PDPR: variants seen among roughly 807,000 people sequenced by gnomAD.
PDPR encodes the protein pyruvate dehydrogenase phosphatase regulatory subunit, mitochondrial.
A neutral mutation model predicts 102.2 loss-of-function variants in PDPR; 50 were observed. The observed-to-expected ratio is 0.49, with a 90% CI of 0.39 to 0.62. PDPR has a LOEUF of 0.62. PDPR is among the 20% of genes least tolerant of loss of function. The pLI is 0.00. For missense variants in PDPR, 625 were observed against 1,098.2 expected (o/e 0.57, Z 6.09); for synonymous variants, 259 against 406.0 (o/e 0.64, Z 4.35).
intron 16 of PDPR, 82 bp from the exon 17 acceptor site, chr16:70,148,382 A>G (rs1597370657): frequency 4.2e-6 from 4 of 955,284 alleles, no homozygotes; most frequent in Non-Finnish European, 5.0e-6. Context: ...AGGGTGCAGC[A>G]CTAATGAAAG....
chr16:70,162,848 G>T (rs729087), downstream of PDPR, among the ~76,000 whole-genome samples: 15,959 of 147,650 alleles, frequency 0.11, 1 homozygote, highest in African/African-American at 0.12. Context: ...GAAAGCAAGG[G>T]GGGTCGTGTT....
At chr16:70,146,385 G>A (rs1352479034) in intron 16 of PDPR, among the ~76,000 whole-genome samples, 157 bp downstream of exon 16, 3 of 151,212 alleles carry the variant, frequency 2.0e-5, no homozygotes, top group Non-Finnish European at 3.0e-5. Flanking sequence ...TTGGGAGGCC[G>A]AGGCAGGTGG....
intron 2 of PDPR, among the ~76,000 whole-genome samples, chr16:70,115,401 C>T (rs1962536781): frequency 6.6e-6 from 1 of 152,202 alleles, no homozygotes; most frequent in South Asian, 2.1e-4. Flanking sequence ...GGATTACAGG[C>T]GTGAGCCACT....
In PDPR at chr16:70,120,651, G is replaced by A. The variant is rs745656669; in HGVS notation, c.159G>A (p.Thr53=). 18 of 1,613,890 alleles carry A rather than the reference G, an allele frequency of 1.1e-5. No homozygotes were observed. The highest frequency in any genetic ancestry group is 3.3e-5 in the South Asian group (3 of 91,084). The part of the protein sequence containing the change: ...AQVVICGGGI[T]GTSVAYHLSK... ...TGGTCATCTGTGGAGGTGGAATCAC[G>A]GGCACTTCTGTGGCCTATCACCTCT... Residue 53 remains threonine, a synonymous_variant, in exon 3 of 19, where the codon ACG becomes ACA. Transcript: ENST00000288050.
intron 3 of PDPR, among the ~76,000 whole-genome samples, chr16:70,125,604 C>T (rs1963881579): frequency 6.9e-6 from 1 of 145,448 alleles, no homozygotes. Context: ...AAAGAGTATA[C>T]AGGAAAAAGA....
At position 70,160,098 on chromosome 16, in the gene PDPR, A is replaced by T. The variant is rs1323344334; in HGVS notation, c.*3219A>T. 6.5e-6 allele frequency: 1 copy of T among 152,716 alleles called. No individual in the cohort carries two copies. Among genetic ancestry groups the T allele is most frequent in the Non-Finnish European group, 1.5e-5 (1 of 68,380 alleles). The allele number at this position is 152,716 out of a possible 1,614,324, so 9.5% of individuals were successfully genotyped here. On this transcript the variant is annotated 3_prime_UTR_variant, in exon 19 of 19. Coordinates refer to ENST00000288050, the MANE Select transcript of PDPR (RefSeq NM_017990.5). ...ATCTGAACCTAGGAACACAAAGTAT[A>T]TTGGCCTCAAACGGAGACCCAGGGT...
intron 2 of PDPR, among the ~76,000 whole-genome samples, chr16:70,115,157 T>C (rs1274168712): frequency 6.6e-6 from 1 of 152,094 alleles, no homozygotes; most frequent in Admixed American, 6.5e-5. Context: ...AGAGTTTCAC[T>C]CTGTCGCCCA....
At chr16:70,137,389 A>G (rs1965262042) in intron 10 of PDPR, among the ~76,000 whole-genome samples, 1 of 152,224 alleles carries the variant, frequency 6.6e-6, no homozygotes, top group African/African-American at 2.4e-5. Context: ...AAAATAAGAC[A>G]CTAATGAACA....
At chr16:70,132,382 CTTGT>C (rs1164315380) in intron 9 of PDPR, 82 bp downstream of exon 9, 2 of 1,394,386 alleles carry the variant, frequency 1.4e-6, no homozygotes, top group African/African-American at 2.9e-5. Flanking sequence ...AGAATAGTTC[CTTGT>C]TTAATGTTTA....
downstream of PDPR, among the ~76,000 whole-genome samples, chr16:70,163,337 C>T (rs1262844260): frequency 1.3e-5 from 2 of 152,070 alleles, no homozygotes; most frequent in East Asian, 3.9e-4. Context: ...ATCTCTTCAT[C>T]TTGTCTTCTA....
rs766263682 is a variant in PDPR at position 70,153,479 on chromosome 16, G to T, written c.2141G>T (p.Arg714Leu). 13 of 1,613,252 alleles carry T rather than the reference G, an allele frequency of 8.1e-6. No individual in the cohort carries two copies. The highest frequency in any genetic ancestry group is 2.7e-5 in the African/African-American group (2 of 74,944). ...NAGYYALRSL[R>L]IEKFFAFWGQ... ...GGGTATTACGCTCTTCGCAGTCTCC[G>T]AATTGAGAAGTTTTTTGCCTTCTGG... Residue 714 changes from arginine (R) to leucine (L), a missense_variant, in exon 18 of 19, where the codon CGA becomes CTA. This residue lies in a region of PDPR where 303 missense variants were observed against 258.9 expected (regional missense o/e 1.17). Coordinates refer to ENST00000288050, the MANE Select transcript of PDPR (RefSeq NM_017990.5).
chr16:70,159,430 G>C lies in PDPR; in HGVS notation c.*2551G>C, dbSNP rs1967564543. The C allele has an allele frequency of 6.5e-6, 1 of 152,688 alleles. No homozygotes were observed. Among genetic ancestry groups the C allele is most frequent in the African/African-American group, 2.4e-5 (1 of 41,598 alleles). The allele number at this position is 152,688 out of a possible 1,614,324, so 9.5% of individuals were successfully genotyped here. A position where few individuals can be genotyped will look rare whatever the true frequency, so the allele number is the denominator to read the frequency against. On this transcript the variant is annotated 3_prime_UTR_variant, in exon 19 of 19. Coordinates refer to ENST00000288050, the MANE Select transcript of PDPR (RefSeq NM_017990.5). ...AGGGTCATACTCCTAAGACTGATGG[G>C]GTGTTGATCTTCTAGGACATCACTT...
At chr16:70,124,916 C>T (rs929773978) in intron 3 of PDPR, among the ~76,000 whole-genome samples, 3 of 152,414 alleles carry the variant, frequency 2.0e-5, no homozygotes, top group Admixed American at 2.0e-4. Context: ...TAGAACCCCC[C>T]ACCTGCTTTC....
At position 70,120,567 on chromosome 16, in the gene PDPR, A is replaced by C; in HGVS notation, c.75A>C (p.Ala25=). 6.2e-7 allele frequency: 1 copy of C among 1,614,030 alleles called. No homozygotes were observed. The highest frequency in any genetic ancestry group is 8.5e-7 in the Non-Finnish European group (1 of 1,179,880). ...CAGGATGGCAGAACTGGTCCTCTGC[A>C]AGAAACAGCACGTCAGCTGCCGAGG... is the stretch of plus-strand genomic sequence containing the variant. ...ASPGWQNWSS[A]RNSTSAAEAR... The change falls in exon 3 of 19, where the codon GCA becomes GCC. Residue 25 remains alanine (A), a synonymous_variant. Transcript: ENST00000288050.
chr16:70,150,015 C>A (rs1370431757), intron 17 of PDPR, among the ~76,000 whole-genome samples: 1 of 152,014 alleles, frequency 6.6e-6, no homozygotes, highest in African/African-American at 2.4e-5. Context: ...TGGTCTCGAT[C>A]TCCTACCTCG....
In PDPR at chr16:70,160,781, C is replaced by G. The variant is rs1323239387; in HGVS notation, c.*3902C>G. Reference sequence around the variant, plus strand: ...AGTTAGCCTCCTCCCTTGCCACCGTCTTGGTGGCAGTAGCGATGCAAGAAT... The same window carrying G: ...AGTTAGCCTCCTCCCTTGCCACCGTGTTGGTGGCAGTAGCGATGCAAGAAT... On this transcript the variant is annotated 3_prime_UTR_variant, in exon 19 of 19. Transcript: ENST00000288050. The G allele has an allele frequency of 6.6e-6, 1 of 152,558 alleles. No individual in the cohort carries two copies. The highest frequency in any genetic ancestry group is 1.5e-5 in the Non-Finnish European group (1 of 68,204). The allele number at this position is 152,558 out of a possible 1,614,324, so 9.5% of individuals were successfully genotyped here. A position where few individuals can be genotyped will look rare whatever the true frequency, so the allele number is the denominator to read the frequency against.
chr16:70,152,557 G>C (rs1439147614), intron 17 of PDPR, among the ~76,000 whole-genome samples: 1 of 152,260 alleles, frequency 6.6e-6, no homozygotes, highest in African/African-American at 2.4e-5. Context: ...GATCATAGTG[G>C]TCTGTTTGGT....
rs1277988011 is a variant in PDPR, at chr16:70,161,384, CCA to C, written c.*4511_*4512del. The C allele has an allele frequency of 6.5e-6, 1 of 153,808 alleles. No individual in the cohort carries two copies. Among genetic ancestry groups the C allele is most frequent in the African/African-American group, 2.4e-5 (1 of 41,494 alleles). The allele number at this position is 153,808 out of a possible 1,614,324, so 9.5% of individuals were successfully genotyped here. ...TAATTTTCCTGCTGCACCCCATCCC[CCA>C]CACACCCCTCACGAACATTGATATA... On this transcript the variant is annotated 3_prime_UTR_variant, in exon 19 of 19. Coordinates refer to ENST00000288050, the MANE Select transcript of PDPR (RefSeq NM_017990.5).
rs1269166062 is a variant in PDPR, at chr16:70,157,342, GGGCAGCTCGTGCCTGCAGCCC to G, written c.*474_*494del. 26 of 381,566 alleles carry G rather than the reference GGGCAGCTCGTGCCTGCAGCCC, an allele frequency of 6.8e-5. No homozygotes were observed. The highest frequency in any genetic ancestry group is 2.0e-4 in the Admixed American group (6 of 30,326). 23.6% of individuals were successfully genotyped at this position (381,566 alleles called of 1,614,324 possible). On this transcript the variant is annotated 3_prime_UTR_variant, in exon 19 of 19. Coordinates refer to ENST00000288050, the MANE Select transcript of PDPR (RefSeq NM_017990.5). Reference sequence around the variant, plus strand: ...GCCGTGTGTCGGATGCAGCCCTGAGGGGCAGCTCGTGCCTGCAGCCCGGCAGCTCGTTCTCCTGTTCTGCTG... The same window carrying G: ...GCCGTGTGTCGGATGCAGCCCTGAGGGGCAGCTCGTTCTCCTGTTCTGCTG...
Sources: allele counts gnomAD v4.1 joint callset (sites outside exome capture counted in the v4.1 genomes callset), GRCh38; gene constraint gnomAD v4.1.1; regional missense constraint gnomAD v4.1.1; transcripts MANE v1.5; gene names NCBI Gene and HGNC (gene_info 2026-07-23, HGNC 2026-07-21).